The following NLGN4X variants were observed in gnomAD, a reference collection of about 807,000 sequenced individuals.
NLGN4X encodes the protein neuroligin 4 X-linked.
Under a neutral mutation model 40.3 loss-of-function variants are expected in NLGN4X, and 3 were observed. That is an observed-to-expected ratio of 0.07 (90% confidence interval 0.03 to 0.19). The LOEUF (loss-of-function observed/expected upper bound fraction) is 0.19, where lower values mean the gene tolerates loss of function less well. Among genes scored for constraint, NLGN4X ranks in the 10% least tolerant of loss-of-function variants. The pLI is 1.00. For synonymous variants in NLGN4X, 270 were observed against 306.8 expected, an observed-to-expected ratio of 0.88 and a Z score of 1.25; for missense variants, 382 against 708.3, an observed-to-expected ratio of 0.54 and a Z score of 5.23.
chrX:5,967,597 T>C (rs2034871626), intron 3 of NLGN4X, among the ~76,000 whole-genome samples: 2 of 111,728 alleles, frequency 1.8e-5, no homozygotes, highest in Admixed American at 1.9e-4. Flanking sequence ...TGCTGTCACA[T>C]TGTCTTGCAC....
chrX:5,945,149 G>A (rs1472228429), intron 3 of NLGN4X, among the ~76,000 whole-genome samples: 1 of 111,685 alleles, frequency 9.0e-6, no homozygotes, highest in Non-Finnish European at 1.9e-5. Flanking sequence ...GTCACAATAA[G>A]TAATGATAAA....
chrX:6,129,889 T>C (rs936592043), intron 2 of NLGN4X, among the ~76,000 whole-genome samples: 2 of 109,086 alleles, frequency 1.8e-5, no homozygotes, highest in African/African-American at 6.7e-5. Context: ...ATCTTTTTTT[T>C]TTTTTTTTCT....
chrX:5,969,425 G>A (rs1443183683), intron 3 of NLGN4X, among the ~76,000 whole-genome samples: 11 of 111,848 alleles, frequency 9.8e-5, no homozygotes, highest in African/African-American at 3.6e-4. Flanking sequence ...ATGAAAAAAT[G>A]CTCATCATCA....
chrX:6,117,306 C>A (rs186166146), intron 2 of NLGN4X, among the ~76,000 whole-genome samples: 22 of 111,044 alleles, frequency 2.0e-4, no homozygotes, highest in Non-Finnish European at 4.0e-4. Context: ...CTGGTTCAAT[C>A]TACCTCCTAC....
At chrX:6,156,457 C>G (rs905134965) in intron 1 of NLGN4X, among the ~76,000 whole-genome samples, 1 of 111,370 alleles carries the variant, frequency 9.0e-6, no homozygotes, top group Non-Finnish European at 1.9e-5. Flanking sequence ...TGCAGTGAGC[C>G]AAGATCGCGC....
At chrX:6,218,477 C>T (rs376126331) in intron 1 of NLGN4X, among the ~76,000 whole-genome samples, 32,882 of 103,329 alleles carry the variant, frequency 0.32, 4,023 homozygotes, top group Non-Finnish European at 0.39. Context: ...ATTAAACCCA[C>T]ACACACACAC....
chrX:6,143,724 C>T (rs886463967), intron 2 of NLGN4X, among the ~76,000 whole-genome samples: 1 of 111,814 alleles, frequency 8.9e-6, no homozygotes, highest in Non-Finnish European at 1.9e-5. Flanking sequence ...TGGTGGCTCA[C>T]ACCTGTAATC....
intron 2 of NLGN4X, among the ~76,000 whole-genome samples, chrX:6,058,199 T>C (rs775054278): frequency 1.1e-3 from 119 of 111,310 alleles, no homozygotes; most frequent in African/African-American, 3.6e-3. Flanking sequence ...CACATATATA[T>C]ATAAACACAT....
At chrX:6,133,890 T>C (rs992769580) in intron 2 of NLGN4X, among the ~76,000 whole-genome samples, 1 of 111,866 alleles carries the variant, frequency 8.9e-6, no homozygotes, top group Non-Finnish European at 1.9e-5. Flanking sequence ...TATTGTAGAC[T>C]TTGCAGGCCA....
chrX:5,943,438 C>G (rs1271269165), intron 3 of NLGN4X, among the ~76,000 whole-genome samples: 8 of 111,702 alleles, frequency 7.2e-5, no homozygotes, highest in Non-Finnish European at 1.9e-5. Flanking sequence ...TTCAGAGCTT[C>G]AGAATGGTGA....
intron 1 of NLGN4X, among the ~76,000 whole-genome samples, chrX:6,185,730 T>C (rs1359219016): frequency 9.0e-6 from 1 of 111,430 alleles, no homozygotes; most frequent in Non-Finnish European, 1.9e-5. Context: ...TGGATTGGAG[T>C]GTGAAAAAAA....
At chrX:5,955,066 T>A (rs947651569) in intron 3 of NLGN4X, among the ~76,000 whole-genome samples, 3 of 112,370 alleles carry the variant, frequency 2.7e-5, no homozygotes, top group Admixed American at 1.9e-4. Context: ...TCCATTTTTT[T>A]AAAACTTGCA....
intron 1 of NLGN4X, among the ~76,000 whole-genome samples, chrX:6,195,362 C>T (rs1179015632): frequency 4.5e-5 from 5 of 112,247 alleles, no homozygotes; most frequent in Admixed American, 3.8e-4. Context: ...TTGGCTTTCA[C>T]CTGCCTGCCA....
At chrX:6,228,160 G>GT (rs1375464793) in intron 1 of NLGN4X, among the ~76,000 whole-genome samples, 1 of 111,541 alleles carries the variant, frequency 9.0e-6, no homozygotes, top group Non-Finnish European at 1.9e-5. Flanking sequence ...GCGCTACTTT[G>GT]TAAACACATC....
At chrX:5,925,891 T>A (rs9699006) in intron 3 of NLGN4X, among the ~76,000 whole-genome samples, 2 of 12,062 alleles carry the variant, frequency 1.7e-4, no homozygotes, top group Non-Finnish European at 1.3e-4. Context: ...CATATATATA[T>A]ATATATATAT....
chrX:6,182,206 C>G (rs772060145), intron 1 of NLGN4X, among the ~76,000 whole-genome samples: 7 of 111,832 alleles, frequency 6.3e-5, no homozygotes, highest in Non-Finnish European at 1.1e-4. Context: ...CACCTAAGAC[C>G]ATTTCACTGG....
intron 3 of NLGN4X, among the ~76,000 whole-genome samples, chrX:5,954,634 G>GTCTCTC (rs200878268): frequency 4.6e-4 from 44 of 94,906 alleles, no homozygotes; most frequent in African/African-American, 8.9e-4. Flanking sequence ...CTCTGTCTCT[G>GTCTCTC]TCTCTCTCTC....
chrX:6,066,845 C>T (rs763940040), intron 2 of NLGN4X, among the ~76,000 whole-genome samples: 479 of 112,361 alleles, frequency 4.3e-3, no homozygotes, highest in Middle Eastern at 0.014. Flanking sequence ...CAGTGGCTCA[C>T]GCCTGTAATC....
At chrX:6,157,674 TGGAAAAGG>T (rs1569271826) in intron 1 of NLGN4X, among the ~76,000 whole-genome samples, 2 of 111,241 alleles carry the variant, frequency 1.8e-5, no homozygotes, top group African/African-American at 6.6e-5. Flanking sequence ...CTTATAACTT[TGGAAAAGG>T]GGAAAAGGGC....
Sources: allele counts gnomAD v4.1 joint callset (sites outside exome capture counted in the v4.1 genomes callset), GRCh38; gene constraint gnomAD v4.1.1; transcripts MANE v1.5; gene names NCBI Gene and HGNC (gene_info 2026-07-23, HGNC 2026-07-21).